Variants in ANKH observed in about 807,000 individuals in gnomAD.
ANKH encodes the protein mineralization regulator ANKH.
Under a neutral mutation model 49.0 loss-of-function variants are expected in ANKH, and 15 were observed. The ratio of observed to expected loss-of-function variants is 0.31; its 90% CI spans 0.20 to 0.47. The LOEUF (loss-of-function observed/expected upper bound fraction) is 0.47, where lower values mean the gene tolerates loss of function less well. Ranked by LOEUF, ANKH falls within the 20% of genes least tolerant of loss-of-function variation. The pLI, the probability that ANKH is intolerant of heterozygous loss-of-function variation, is 1.00. For synonymous variants in ANKH, 273 were observed against 260.0 expected (o/e 1.05, Z -0.48); for missense variants, 429 against 652.0 (o/e 0.66, Z 3.72).
At chr5:14,838,270 A>G (rs575175345) in intron 1 of ANKH, among the ~76,000 whole-genome samples, 13 of 152,074 alleles carry the variant, frequency 8.5e-5, no homozygotes, top group Non-Finnish European at 1.5e-4. Flanking sequence ...AATAATAAAA[A>G]AATTACCTAA....
intron 1 of ANKH, among the ~76,000 whole-genome samples, chr5:14,840,016 T>C (rs1741771597): frequency 6.6e-6 from 1 of 152,212 alleles, no homozygotes; most frequent in Non-Finnish European, 1.5e-5. Flanking sequence ...GACCCCACTG[T>C]GAACATCACA....
chr5:14,745,095 G>A lies in ANKH; in HGVS notation c.915+775C>T, dbSNP rs527344782. ...GCTGGCAGTGGCTGCTAGTTCTGCA[G>A]ACATTCAAGGCACAACAGGTGCCCT... On this transcript the variant is annotated intron_variant, in intron 7 of 11. Coordinates refer to ENST00000284268, the MANE Select transcript of ANKH (RefSeq NM_054027.6). The surrounding 1 kb of genome is among the most constrained non-coding windows in gnomAD (Gnocchi z 4.7). Among the ~76,000 whole-genome samples the A allele has an allele frequency of 6.6e-6, 1 of 152,334 alleles. No individual in the cohort carries two copies. Among genetic ancestry groups the A allele is most frequent in the South Asian group, 2.1e-4 (1 of 4,826 alleles).
intron 8 of ANKH, among the ~76,000 whole-genome samples, chr5:14,718,839 C>CCCCAA (rs1491520738): frequency 7.5e-6 from 1 of 133,826 alleles, no homozygotes; most frequent in African/African-American, 2.8e-5. Context: ...ACCCCCCCCC[C>CCCCAA]AAAAAAAAAA....
chr5:14,865,982 A>G (rs974056840), intron 1 of ANKH, among the ~76,000 whole-genome samples: 2 of 151,118 alleles, frequency 1.3e-5, no homozygotes, highest in Non-Finnish European at 3.0e-5. Context: ...TCTTTGAATT[A>G]TCATATTAGA....
chr5:14,712,773 C>G, intron 11 of ANKH, 101 bp downstream of exon 11: 1 of 1,164,950 alleles, frequency 8.6e-7, no homozygotes, highest in South Asian at 1.3e-5. Flanking sequence ...AAGGATCCCC[C>G]ACTGACGAAC....
At position 14,713,012 on chromosome 5, in the gene ANKH, C is replaced by T; in HGVS notation, c.1266-39G>A. On this transcript the variant is annotated intron_variant, in intron 10 of 11. Coordinates refer to ENST00000284268, the MANE Select transcript of ANKH (RefSeq NM_054027.6). This position sits in a 1 kb window ranked among gnomAD's most constrained non-coding sequence, Gnocchi z 4.4. ...CACAAAGGCAATTTGTCTGTTAAGG[C>T]CAAGTCAAGGCACAACCGTCGATGC... 1 of 1,583,764 alleles carries T rather than the reference C, an allele frequency of 6.3e-7. No individual in the cohort carries two copies. The highest frequency in any genetic ancestry group is 8.6e-7 in the Non-Finnish European group (1 of 1,160,326).
At chr5:14,848,346 G>T (rs1447946967) in intron 1 of ANKH, among the ~76,000 whole-genome samples, 1 of 152,212 alleles carries the variant, frequency 6.6e-6, no homozygotes, top group Non-Finnish European at 1.5e-5. Flanking sequence ...TCTATCGCCT[G>T]AGAGCACACA....
chr5:14,847,682 T>C (rs1036282082), intron 1 of ANKH, among the ~76,000 whole-genome samples: 2 of 152,206 alleles, frequency 1.3e-5, no homozygotes, highest in African/African-American at 2.4e-5. Flanking sequence ...AAGATCTATT[T>C]ATTTTGTGCC....
intron 1 of ANKH, among the ~76,000 whole-genome samples, chr5:14,793,490 G>A (rs1234740048): frequency 1.3e-5 from 2 of 152,070 alleles, no homozygotes; most frequent in Non-Finnish European, 2.9e-5. Flanking sequence ...TGAGACCACC[G>A]GACACCTGGT....
intron 1 of ANKH, among the ~76,000 whole-genome samples, chr5:14,771,954 CAAAA>C (rs1739456305): frequency 4.1e-5 from 5 of 121,372 alleles, no homozygotes; most frequent in African/African-American, 1.2e-4. Flanking sequence ...AAAACCAAAA[CAAAA>C]CAAAACAAAA....
At chr5:14,838,438 C>T (rs1741722352) in intron 1 of ANKH, among the ~76,000 whole-genome samples, 1 of 150,416 alleles carries the variant, frequency 6.6e-6, no homozygotes, top group South Asian at 2.1e-4. Context: ...AATAAATAAA[C>T]AAGAAAAAGA....
Position 14,794,961 on chromosome 5 carries a change from T to C in ANKH, c.97-25770A>G, listed in dbSNP as rs574508012. 5.9e-5 allele frequency among the ~76,000 whole-genome samples: 9 copies of C among 152,354 alleles called. No homozygotes were observed. The East Asian group carries it at 1.5e-3, about 26-fold the overall frequency. On this transcript the variant is annotated intron_variant, in intron 1 of 11. Coordinates refer to ENST00000284268, the MANE Select transcript of ANKH (RefSeq NM_054027.6). ...TTGCTGTACTGTGTATGTTCTGAGA[T>C]AATGGAAGTAGGAGGAGGTGGTACA...
chr5:14,745,382 G>GCAACA lies in ANKH; in HGVS notation c.915+487_915+488insTGTTG, dbSNP rs1738499625. On this transcript the variant is annotated intron_variant, in intron 7 of 11. Transcript: ENST00000284268. The surrounding 1 kb of genome is among the most constrained non-coding windows in gnomAD (Gnocchi z 4.7). ...AGCAGCTGTCAACAGGCTTTCCACT[G>GCAACA]GAATACGTCTGCAATATCAAAACAC... is the stretch of plus-strand genomic sequence containing the variant. Among the ~76,000 whole-genome samples the GCAACA allele has an allele frequency of 6.6e-6, 1 of 152,142 alleles. No homozygotes were observed. Among genetic ancestry groups the GCAACA allele is most frequent in the Non-Finnish European group, 1.5e-5 (1 of 68,020 alleles).
chr5:14,722,370 A>C (rs1737698633), intron 8 of ANKH, among the ~76,000 whole-genome samples: 1 of 152,206 alleles, frequency 6.6e-6, no homozygotes, highest in Non-Finnish European at 1.5e-5. Context: ...TCAAAATCGA[A>C]TAGTCCACCC....
intron 1 of ANKH, among the ~76,000 whole-genome samples, chr5:14,773,803 C>T (rs897392956): frequency 2.5e-4 from 38 of 152,256 alleles, no homozygotes; most frequent in Non-Finnish European, 2.8e-4. Context: ...GTTGCCAAGG[C>T]GACATCGTAA....
At chr5:14,797,248 T>C (rs1580076073) in intron 1 of ANKH, 3 of 1,389,572 alleles carry the variant, frequency 2.2e-6, no homozygotes, top group South Asian at 2.3e-5. Context: ...CAAGGTTCAC[T>C]GGGATTCCAG....
intron 1 of ANKH, among the ~76,000 whole-genome samples, chr5:14,771,924 A>AC (rs1186041922): frequency 2.3e-5 from 3 of 130,006 alleles, no homozygotes; most frequent in Non-Finnish European, 5.1e-5. Context: ...AAAAAAAGAA[A>AC]AAAAAAAAAA....
intron 8 of ANKH, among the ~76,000 whole-genome samples, chr5:14,724,842 T>G (rs192375359): frequency 9.8e-5 from 15 of 152,330 alleles, no homozygotes; most frequent in Admixed American, 5.9e-4. Flanking sequence ...CACTGCCAAG[T>G]GCTCGGGTCT....
chr5:14,730,238 A>AG (rs1255859570), intron 8 of ANKH, among the ~76,000 whole-genome samples: 5 of 152,316 alleles, frequency 3.3e-5, no homozygotes, highest in South Asian at 2.1e-4. Flanking sequence ...AAGCTGGAGC[A>AG]GGGGGGCTCA....
Sources: allele counts gnomAD v4.1 joint callset (sites outside exome capture counted in the v4.1 genomes callset), GRCh38; gene constraint gnomAD v4.1.1; non-coding constraint Gnocchi (gnomAD v3.1); transcripts MANE v1.5; gene names NCBI Gene and HGNC (gene_info 2026-07-23, HGNC 2026-07-21).